DLG2: variants seen among roughly 807,000 people sequenced by gnomAD.
DLG2 encodes the protein disks large homolog 2.
DLG2 carries 45 observed loss-of-function variants against 132.5 expected under a neutral mutation model. The observed-to-expected ratio is 0.34, with a 90% CI of 0.27 to 0.44. The LOEUF (loss-of-function observed/expected upper bound fraction) is 0.44. Ranked by LOEUF, DLG2 falls within the 20% of genes least tolerant of loss-of-function variation. The pLI is 1.00. For missense variants in DLG2, 1,045 were observed against 1,196.9 expected (o/e 0.87, Z 1.87); for synonymous variants, 424 against 419.6 (o/e 1.01, Z -0.13).
intron 12 of DLG2, among the ~76,000 whole-genome samples, chr11:83,976,807 C>A (rs143920652): frequency 6.6e-6 from 1 of 151,878 alleles, no homozygotes; most frequent in African/African-American, 2.4e-5. Context: ...TTTTCGAAAT[C>A]ATTTTTTTTT....
intron 7 of DLG2, among the ~76,000 whole-genome samples, chr11:84,389,183 G>A (rs538436138): frequency 1.3e-5 from 2 of 152,136 alleles, no homozygotes; most frequent in South Asian, 4.1e-4. Context: ...CCAATATAAA[G>A]GGTATTTCAT....
intron 15 of DLG2, among the ~76,000 whole-genome samples, chr11:83,909,375 A>G (rs1218374891): frequency 6.6e-6 from 1 of 152,190 alleles, no homozygotes; most frequent in Non-Finnish European, 1.5e-5. Context: ...GCAAATAGTA[A>G]TTAATCAGAG....
intron 3 of DLG2, among the ~76,000 whole-genome samples, chr11:85,403,311 G>C (rs989630817): frequency 6.6e-6 from 1 of 151,830 alleles, no homozygotes; most frequent in African/African-American, 2.4e-5. Context: ...TGCACACAGG[G>C]TCGGGTACAT....
intron 5 of DLG2, among the ~76,000 whole-genome samples, chr11:85,148,118 G>A (rs1384244357): frequency 6.6e-6 from 1 of 152,132 alleles, no homozygotes; most frequent in Non-Finnish European, 1.5e-5. Context: ...ATTCCATGGT[G>A]TGTATATACC....
intron 7 of DLG2, among the ~76,000 whole-genome samples, chr11:84,320,445 C>T (rs773905031): frequency 1.3e-5 from 2 of 152,110 alleles, no homozygotes; most frequent in South Asian, 4.1e-4. Flanking sequence ...TCCTTATCAG[C>T]CACAAGTAAT....
In DLG2 at chr11:85,562,968, T is replaced by G. The variant is rs1371555319; in HGVS notation, c.40+35689A>C. Among the ~76,000 whole-genome samples the G allele has an allele frequency of 2.6e-5, 4 of 151,814 alleles. No homozygotes were observed. The South Asian group carries it at 6.2e-4, about 24-fold the overall frequency. ...TTCCAGTGTATAATATCTTCAGGAT[T>G]AAATATATATTCTTTGGCTCACCTT... On this transcript the variant is annotated intron_variant, in intron 3 of 27. Coordinates refer to ENST00000376104, the MANE Select transcript of DLG2 (RefSeq NM_001142699.3).
rs547429917 is a variant in DLG2, at chr11:85,251,059, C to T, written c.186+34161G>A. Among the ~76,000 whole-genome samples, 29 of 152,226 alleles carry T rather than the reference C, an allele frequency of 1.9e-4. No individual in the cohort carries two copies. In the South Asian group the frequency reaches 4.8e-3, roughly 25 times the overall value. On this transcript the variant is annotated intron_variant, in intron 4 of 27. Transcript: ENST00000376104. Reference sequence around the variant, plus strand: ...CGAAATCCATAGCTACTTCTATCAACAGTAAGGTTGTTAGCATTCTCAGTA... The same window carrying T: ...CGAAATCCATAGCTACTTCTATCAATAGTAAGGTTGTTAGCATTCTCAGTA...
Position 85,283,286 on chromosome 11 carries a change from T to C in DLG2, c.186+1934A>G, listed in dbSNP as rs182076546. On this transcript the variant is annotated intron_variant, in intron 4 of 27. Transcript: ENST00000376104. ...AATTACTTTTTTAAAAAAAAGAAAA[T>C]TGAAAAATCAAAAATATCAAGGCAA... Among the ~76,000 whole-genome samples, 313 of 150,092 alleles carry C rather than the reference T, an allele frequency of 2.1e-3. 4 individuals are homozygous for C. The highest frequency in any genetic ancestry group is 7.2e-3 in the African/African-American group (295 of 40,888).
chr11:84,859,630 G>C (rs1298910349), intron 6 of DLG2, among the ~76,000 whole-genome samples: 1 of 151,508 alleles, frequency 6.6e-6, no homozygotes, highest in East Asian at 1.9e-4. Flanking sequence ...AGTAAACATA[G>C]CAGAATATGC....
At chr11:84,887,629 A>T (rs771635766) in intron 6 of DLG2, among the ~76,000 whole-genome samples, 9 of 152,148 alleles carry the variant, frequency 5.9e-5, no homozygotes, top group Non-Finnish European at 1.0e-4. Flanking sequence ...TGGGCATCAA[A>T]TGAGTATTTT....
Position 84,336,811 on chromosome 11 carries a change from G to A in DLG2, c.520-85520C>T, listed in dbSNP as rs955118915. On this transcript the variant is annotated intron_variant, in intron 7 of 27. Coordinates refer to ENST00000376104, the MANE Select transcript of DLG2 (RefSeq NM_001142699.3). ...CATGGCTGACTATAGCAGAAACAGA[G>A]GAGAAAAAGATAAGCTTGATGAATT... is the stretch of plus-strand genomic sequence containing the variant. Among the ~76,000 whole-genome samples the A allele has an allele frequency of 3.9e-5, 6 of 152,118 alleles. 1 individual carries two copies. Among genetic ancestry groups the A allele is most frequent in the Non-Finnish European group, 5.9e-5 (4 of 68,030 alleles).
chr11:83,785,810 T>G (rs1331018030), intron 18 of DLG2, among the ~76,000 whole-genome samples: 2 of 152,200 alleles, frequency 1.3e-5, no homozygotes, highest in Admixed American at 1.3e-4. Context: ...GCACAGAGAC[T>G]CTTCCTTGAT....
At chr11:83,942,859 A>C (rs12288437) in intron 14 of DLG2, among the ~76,000 whole-genome samples, 11,635 of 152,338 alleles carry the variant, frequency 0.076, 609 homozygotes, top group Non-Finnish European at 0.12. Flanking sequence ...AGTGGTAATC[A>C]TTTCACAATG....
intron 6 of DLG2, among the ~76,000 whole-genome samples, chr11:84,716,326 GTAATT>G (rs1455175653): frequency 6.6e-6 from 1 of 151,914 alleles, no homozygotes; most frequent in Admixed American, 6.6e-5. Flanking sequence ...AGAGAATACT[GTAATT>G]TATAAAGTAT....
intron 7 of DLG2, among the ~76,000 whole-genome samples, chr11:84,359,785 T>A (rs1298028832): frequency 6.6e-6 from 1 of 151,904 alleles, no homozygotes; most frequent in African/African-American, 2.4e-5. Context: ...TACACTAAGA[T>A]AATAGATCAT....
chr11:83,972,710 G>A (rs1210879181), intron 12 of DLG2, among the ~76,000 whole-genome samples: 1 of 152,166 alleles, frequency 6.6e-6, no homozygotes, highest in Non-Finnish European at 1.5e-5. Context: ...TAGAAAGAAT[G>A]AAGCATTTGT....
At chr11:85,059,898 CTT>C (rs971813103) in intron 6 of DLG2, among the ~76,000 whole-genome samples, 1 of 151,668 alleles carries the variant, frequency 6.6e-6, no homozygotes, top group African/African-American at 2.4e-5. Flanking sequence ...AAAAGATACA[CTT>C]GTATAAATAC....
At chr11:85,137,243 T>C (rs2076193548) in intron 5 of DLG2, among the ~76,000 whole-genome samples, 2 of 152,132 alleles carry the variant, frequency 1.3e-5, no homozygotes, top group African/African-American at 4.8e-5. Context: ...AGCATGTTAA[T>C]AATAATAGTA....
intron 8 of DLG2, among the ~76,000 whole-genome samples, chr11:84,223,742 C>T (rs1046016942): frequency 4.6e-5 from 7 of 151,922 alleles, no homozygotes; most frequent in Non-Finnish European, 7.4e-5. Flanking sequence ...TTTTTAGTAG[C>T]GATGGGGTTT....
Sources: allele counts gnomAD v4.1 joint callset (sites outside exome capture counted in the v4.1 genomes callset), GRCh38; gene constraint gnomAD v4.1.1; transcripts MANE v1.5; gene names NCBI Gene and HGNC (gene_info 2026-07-23, HGNC 2026-07-21).